The following CDH2 variants were observed in gnomAD, a reference collection of about 807,000 sequenced individuals.
CDH2 encodes cadherin 2.
A neutral mutation model predicts 92.0 loss-of-function variants in CDH2; 17 were observed. That is an observed-to-expected ratio of 0.18 (90% CI 0.13 to 0.28). CDH2 has a LOEUF of 0.28. CDH2 is among the 10% of genes least tolerant of loss of function. The pLI is 1.00. For missense variants in CDH2, 862 were observed against 1,133.1 expected, an observed-to-expected ratio of 0.76 and a Z score of 3.44; for synonymous variants, 419 against 415.9, an observed-to-expected ratio of 1.01 and a Z score of -0.09.
At chr18:28,066,408 C>T (rs1425346598) in intron 2 of CDH2, among the ~76,000 whole-genome samples, 3 of 152,040 alleles carry the variant, frequency 2.0e-5, no homozygotes, top group Non-Finnish European at 4.4e-5. Flanking sequence ...CACAAGAGTT[C>T]GAACAAAGGC....
chr18:27,971,368 GTTA>G (rs1370727381), intron 14 of CDH2, among the ~76,000 whole-genome samples: 1 of 86,402 alleles, frequency 1.2e-5, no homozygotes, highest in East Asian at 3.6e-4. Flanking sequence ...CTTTATCATT[GTTA>G]TTAGTAGAAT....
chr18:28,006,486 G>A (rs2012921875), intron 5 of CDH2, among the ~76,000 whole-genome samples: 1 of 152,072 alleles, frequency 6.6e-6, no homozygotes, highest in Non-Finnish European at 1.5e-5. Flanking sequence ...GGGAGGCCAA[G>A]GAGGGCGGAT....
chr18:27,991,573 A>G (rs989755610), intron 9 of CDH2, among the ~76,000 whole-genome samples: 5 of 152,214 alleles, frequency 3.3e-5, no homozygotes, highest in African/African-American at 1.2e-4. Context: ...AAGCTCATTT[A>G]TCTCTCAGAA....
intron 15 of CDH2, among the ~76,000 whole-genome samples, chr18:27,958,898 G>T (rs1010050586): frequency 6.6e-6 from 1 of 152,150 alleles, no homozygotes; most frequent in Admixed American, 6.5e-5. Context: ...ATGTGAAGAA[G>T]AATGTGTTTG....
At position 28,106,454 on chromosome 18, in the gene CDH2, T is replaced by C. The variant is rs530178808; in HGVS notation, c.172+41219A>G. On this transcript the variant is annotated intron_variant, in intron 2 of 15. Transcript: ENST00000269141. The stretch of plus-strand genomic sequence containing the variant: ...AAAAAAAAGTGTTATATCTATGTTA[T>C]GGACATCAACTTACCAGAGTTTTTT... Among the ~76,000 whole-genome samples, 9 of 140,992 alleles carry C rather than the reference T, an allele frequency of 6.4e-5. No individual in the cohort carries two copies. The East Asian group carries it at 1.0e-3, about 16-fold the overall frequency. 92.5% of individuals were successfully genotyped at this position (140,992 alleles called of 152,430 possible). A position where few individuals can be genotyped will look rare whatever the true frequency, so the allele number is the denominator to read the frequency against.
chr18:27,995,313 CAA>C (rs34313496), intron 7 of CDH2, among the ~76,000 whole-genome samples: 160 of 80,230 alleles, frequency 2.0e-3, no homozygotes, highest in African/African-American at 7.4e-3. Context: ...GACTCCATCT[CAA>C]AAAAAAAAAA....
At chr18:28,043,890 A>ATTTTTTTTTTTTTTTTTTTTTT (rs67532914) in intron 2 of CDH2, among the ~76,000 whole-genome samples, 5 of 91,454 alleles carry the variant, frequency 5.5e-5, no homozygotes, top group Non-Finnish European at 6.5e-5. Flanking sequence ...AGAATCTCGG[A>ATTTTTTTTTTTTTTTTTTTTTT]TTTTTTTTTT....
At chr18:28,142,102 T>G (rs75328585) in intron 2 of CDH2, among the ~76,000 whole-genome samples, 4,394 of 152,130 alleles carry the variant, frequency 0.029, 79 homozygotes, top group Non-Finnish European at 0.046. Context: ...CTTTTCTACT[T>G]CCTACTAGAC....
intron 2 of CDH2, among the ~76,000 whole-genome samples, chr18:28,095,042 T>C: frequency 6.6e-6 from 1 of 152,110 alleles, no homozygotes; most frequent in East Asian, 1.9e-4. Context: ...TGACTCATAT[T>C]TTTTAGTGCC....
chr18:27,987,989 T>C (rs1226032951), intron 11 of CDH2, among the ~76,000 whole-genome samples: 2 of 152,230 alleles, frequency 1.3e-5, no homozygotes. Flanking sequence ...AGTCCTTATC[T>C]ATTAATCTTA....
chr18:28,124,330 T>G (rs1042190738), intron 2 of CDH2, among the ~76,000 whole-genome samples: 1 of 152,192 alleles, frequency 6.6e-6, no homozygotes, highest in Non-Finnish European at 1.5e-5. Flanking sequence ...GTGCTGCGAA[T>G]TGATCTTATT....
intron 2 of CDH2, among the ~76,000 whole-genome samples, chr18:28,140,934 A>C (rs2015943493): frequency 6.6e-6 from 1 of 150,712 alleles, no homozygotes. Flanking sequence ...ATAGGTATGA[A>C]ATATCGTTAG....
intron 1 of CDH2, among the ~76,000 whole-genome samples, chr18:28,171,577 T>C (rs11872166): frequency 0.072 from 10,975 of 152,152 alleles, 1,285 homozygotes; most frequent in African/African-American, 0.25. Flanking sequence ...ATATAAAAAA[T>C]ATAGATGACT....
intron 6 of CDH2, among the ~76,000 whole-genome samples, chr18:27,942,736 T>A (rs1909172859): frequency 6.6e-6 from 1 of 152,238 alleles, no homozygotes; most frequent in African/African-American, 2.4e-5. Context: ...GTTACTTTGA[T>A]TTCCAAAATT....
At chr18:28,154,036 T>C (rs796996187) in intron 1 of CDH2, among the ~76,000 whole-genome samples, 5 of 152,300 alleles carry the variant, frequency 3.3e-5, no homozygotes, top group African/African-American at 1.2e-4. Context: ...GTGCTGCAAG[T>C]GGTGGCCACA....
At chr18:27,973,024 A>G (rs1349150022) in intron 14 of CDH2, among the ~76,000 whole-genome samples, 2 of 152,186 alleles carry the variant, frequency 1.3e-5, no homozygotes, top group African/African-American at 4.8e-5. Context: ...TTCAAAATGC[A>G]AAGTGGAGGG....
At chr18:28,166,662 C>T (rs2016390472) in intron 1 of CDH2, among the ~76,000 whole-genome samples, 1 of 152,082 alleles carries the variant, frequency 6.6e-6, no homozygotes, top group South Asian at 2.1e-4. Context: ...TATCAATAAG[C>T]TAAGGCCACA....
intron 2 of CDH2, among the ~76,000 whole-genome samples, chr18:28,044,659 A>ATGTT (rs2014034397): frequency 1.3e-5 from 2 of 152,138 alleles, no homozygotes; most frequent in Non-Finnish European, 2.9e-5. Flanking sequence ...ATAATGGAAA[A>ATGTT]CACAGTGAAC....
intron 14 of CDH2, among the ~76,000 whole-genome samples, chr18:27,982,101 A>G (rs2012074242): frequency 6.6e-6 from 1 of 152,184 alleles, no homozygotes; most frequent in Non-Finnish European, 1.5e-5. Flanking sequence ...TTATACCACA[A>G]AAGTGGAGAT....
Sources: allele counts gnomAD v4.1 joint callset (sites outside exome capture counted in the v4.1 genomes callset), GRCh38; gene constraint gnomAD v4.1.1; transcripts MANE v1.5; gene names NCBI Gene and HGNC (gene_info 2026-07-23, HGNC 2026-07-21).